The following EXO1 variants were observed in gnomAD, a reference collection of about 807,000 sequenced individuals.
EXO1 encodes exonuclease 1.
Under a neutral mutation model 84.5 loss-of-function variants are expected in EXO1, and 69 were observed. The observed-to-expected ratio is 0.82, with a 90% CI of 0.67 to 1.00. The LOEUF (loss-of-function observed/expected upper bound fraction) is 1.00. EXO1 is among the 50% of genes least tolerant of loss of function. EXO1 has a pLI of 0.00. For missense variants in EXO1, 1,045 were observed against 1,000.7 expected (o/e 1.04, Z -0.60); for synonymous variants, 373 against 366.1 (o/e 1.02, Z -0.21).
In EXO1 at chr1:241,871,920, T is replaced by TG. The variant is rs1553272844; in HGVS notation, c.1268-112_1268-111insG. On this transcript the variant is annotated intron_variant, in intron 11 of 15. Coordinates refer to ENST00000366548, the MANE Select transcript of EXO1 (RefSeq NM_130398.4). Reference sequence around the variant, plus strand: ...TCTTTTCTGAGGCATAGTTTTTTTTTTTTTTTTTTAAAGTCCTTATTTTTA... The same window carrying TG: ...TCTTTTCTGAGGCATAGTTTTTTTTTGTTTTTTTTTAAAGTCCTTATTTTTA... The TG allele has an allele frequency of 1.4e-5, 10 of 733,260 alleles. No homozygotes were observed. In the Admixed American group the frequency reaches 3.1e-4, roughly 23 times the overall value. 45.4% of individuals were successfully genotyped at this position (733,260 alleles called of 1,614,324 possible).
intron 12 of EXO1, among the ~76,000 whole-genome samples, chr1:241,874,404 TAGAAA>T (rs1662278668): frequency 6.6e-6 from 1 of 151,852 alleles, no homozygotes; most frequent in African/African-American, 2.4e-5. Context: ...CCAGGAAAAA[TAGAAA>T]AGAAAAGAAA....
In EXO1 at chr1:241,879,338, T is replaced by G; in HGVS notation, c.2104T>G (p.Ser702Ala). 1.9e-6 allele frequency: 3 copies of G among 1,577,478 alleles called. No individual in the cohort carries two copies. Among genetic ancestry groups the G allele is most frequent in the Non-Finnish European group, 2.6e-6 (3 of 1,149,194 alleles). Residue 702 changes from serine (S) to alanine (A), a missense_variant, in exon 13 of 16, where the codon TCA becomes GCA. By Grantham distance (99) the Ser-to-Ala change is moderately conservative. Coordinates refer to ENST00000366548, the MANE Select transcript of EXO1 (RefSeq NM_130398.4). ...LSQCSSKDSD[S>A]EESDCNIKLL... The stretch of plus-strand genomic sequence containing the variant: ...TCAGTGCTCTAGTAAGGACTCTGAT[T>G]CAGAGGTAAGTCAAATCCTGAAGGC...
intron 10 of EXO1, among the ~76,000 whole-genome samples, chr1:241,866,563 T>A (rs1219643147): frequency 1.9e-5 from 1 of 52,128 alleles, no homozygotes; most frequent in Non-Finnish European, 5.4e-5. Flanking sequence ...CAACTCTTGA[T>A]TTTTTTTTTT....
chr1:241,848,261 G>T lies in EXO1; in HGVS notation c.-512G>T, dbSNP rs1660461827. On this transcript the variant is annotated 5_prime_UTR_variant, in exon 1 of 16. Coordinates refer to ENST00000366548, the MANE Select transcript of EXO1 (RefSeq NM_130398.4). The surrounding 1 kb of genome is among the most constrained non-coding windows in gnomAD (Gnocchi z 4.2). ...GTGTTCTGCGTTGCCGGCCGTGGGT[G>T]CTCTGGCCACAGTGAGTTAGGGGCG... The T allele has an allele frequency of 6.6e-6, 1 of 152,468 alleles. No individual in the cohort carries two copies. The highest frequency in any genetic ancestry group is 2.1e-4 in the South Asian group (1 of 4,838). The allele number at this position is 152,468 out of a possible 1,614,324, so 9.4% of individuals were successfully genotyped here.
chr1:241,880,015 A>C (rs1662661110), intron 13 of EXO1, among the ~76,000 whole-genome samples: 1 of 152,026 alleles, frequency 6.6e-6, no homozygotes, highest in South Asian at 2.1e-4. Flanking sequence ...AAAAAAAAAA[A>C]AAGAAAAAAA....
rs771721157 is a variant in EXO1 at position 241,857,392 on chromosome 1, T to C, written c.453T>C (p.Ala151=). 1.4e-5 allele frequency: 23 copies of C among 1,613,884 alleles called. No individual in the cohort carries two copies. Among genetic ancestry groups the C allele is most frequent in the Non-Finnish European group, 1.8e-5 (21 of 1,179,922 alleles). ...GVDCLVAPYE[A]DAQLAYLNKA... is the part of the protein sequence containing the mutation. Reference sequence around the variant, plus strand: ...ATTGCCTCGTGGCTCCCTATGAAGCTGATGCGCAGTTGGCCTATCTTAACA... The same window carrying C: ...ATTGCCTCGTGGCTCCCTATGAAGCCGATGCGCAGTTGGCCTATCTTAACA... The change falls in exon 7 of 16, where the codon GCT becomes GCC. Residue 151 remains alanine (A), a synonymous_variant. Coordinates refer to ENST00000366548, the MANE Select transcript of EXO1 (RefSeq NM_130398.4).
chr1:241,883,131 A>G (rs1662866624), intron 14 of EXO1, among the ~76,000 whole-genome samples: 1 of 152,204 alleles, frequency 6.6e-6, no homozygotes. Flanking sequence ...TTTTTCTACC[A>G]TGAGCATATA....
intron 7 of EXO1, 82 bp downstream of exon 7, chr1:241,857,564 G>A (rs1240616201): frequency 1.4e-6 from 1 of 692,332 alleles, no homozygotes; most frequent in Non-Finnish European, 2.2e-6. Context: ...TCCTGTCCAG[G>A]AAATTATGAT....
chr1:241,860,223 G>T (rs1661300954), intron 8 of EXO1, among the ~76,000 whole-genome samples: 1 of 152,050 alleles, frequency 6.6e-6, no homozygotes, highest in African/African-American at 2.4e-5. Context: ...GGACTTTGAA[G>T]ATGAATGGAT....
At chr1:241,855,326 G>GC (rs1220403278) in intron 6 of EXO1, among the ~76,000 whole-genome samples, 2 of 152,232 alleles carry the variant, frequency 1.3e-5, no homozygotes, top group African/African-American at 4.8e-5. Context: ...GTTCTCCAAG[G>GC]CCCCACCAGA....
intron 5 of EXO1, 56 bp from the exon 6 acceptor site, chr1:241,853,302 T>C: frequency 6.3e-7 from 1 of 1,591,262 alleles, no homozygotes; most frequent in Non-Finnish European, 8.6e-7. Context: ...TCTGTTACAG[T>C]TTCTTGAGTC....
chr1:241,858,019 G>T (rs1661162419), intron 7 of EXO1, among the ~76,000 whole-genome samples: 1 of 152,058 alleles, frequency 6.6e-6, no homozygotes, highest in African/African-American at 2.4e-5. Context: ...TGACTAGAAG[G>T]GTCTCTATCA....
At chr1:241,857,970 A>G (rs1661160545) in intron 7 of EXO1, among the ~76,000 whole-genome samples, 1 of 152,196 alleles carries the variant, frequency 6.6e-6, no homozygotes, top group African/African-American at 2.4e-5. Context: ...AAGATACAAA[A>G]CTACAGGATG....
chr1:241,853,226 C>A, intron 5 of EXO1, 132 bp from the exon 6 acceptor site: 1 of 858,296 alleles, frequency 1.2e-6, no homozygotes, highest in South Asian at 1.4e-5. Flanking sequence ...TCTCAAGGGC[C>A]TGGTGTGTAC....
intron 12 of EXO1, among the ~76,000 whole-genome samples, chr1:241,878,086 A>G (rs1393841176): frequency 6.6e-6 from 1 of 152,224 alleles, no homozygotes; most frequent in African/African-American, 2.4e-5. Flanking sequence ...CTGCCCTCAC[A>G]GAGTTTATCT....
chr1:241,857,411 C>G lies in EXO1; in HGVS notation c.472C>G (p.Leu158Val), dbSNP rs140218725. ...PYEADAQLAY[L>V]NKAGIVQAII... ...TGAAGCTGATGCGCAGTTGGCCTATCTTAACAAAGCGGGAATTGTGCAAGC... is the reference window on the plus strand; with the variant it reads ...TGAAGCTGATGCGCAGTTGGCCTATGTTAACAAAGCGGGAATTGTGCAAGC... Residue 158 changes from leucine (L) to valine (V), a missense_variant, in exon 7 of 16, where the codon CTT (leucine) becomes GTT (valine). By Grantham distance (32) the Leu-to-Val change is conservative (BLOSUM62 1). Coordinates refer to ENST00000366548, the MANE Select transcript of EXO1 (RefSeq NM_130398.4). 105 of 1,613,738 alleles carry G rather than the reference C, an allele frequency of 6.5e-5. 1 individual carries two copies. The highest frequency in any genetic ancestry group is 5.4e-4 in the South Asian group (49 of 91,078).
At chr1:241,876,352 A>C (rs1347403293) in intron 12 of EXO1, among the ~76,000 whole-genome samples, 3 of 152,086 alleles carry the variant, frequency 2.0e-5, no homozygotes, top group African/African-American at 7.2e-5. Context: ...GAGGCCGAGG[A>C]GGGTGGATCA....
chr1:241,849,101 A>C lies in EXO1; in HGVS notation c.-122-11A>C, dbSNP rs961609449. ...AGATTAACTGCTTTGTTTAAAATTC[A>C]TTCACAGCAGAACTAGTGAATCCCA... On this transcript the variant is annotated splice_polypyrimidine_tract_variant and intron_variant, in intron 2 of 15. Transcript: ENST00000366548. 1.3e-5 allele frequency: 2 copies of C among 152,202 alleles called. No individual in the cohort carries two copies. The highest frequency in any genetic ancestry group is 2.9e-5 in the Non-Finnish European group (2 of 68,040). The allele number at this position is 152,202 out of a possible 1,614,324, so 9.4% of individuals were successfully genotyped here. A position where few individuals can be genotyped will look rare whatever the true frequency, so the allele number is the denominator to read the frequency against.
intron 14 of EXO1, among the ~76,000 whole-genome samples, chr1:241,882,273 A>C (rs988409670): frequency 1.3e-5 from 2 of 152,190 alleles, no homozygotes; most frequent in Non-Finnish European, 2.9e-5. Context: ...GCAGTTGTAT[A>C]GGTTTGGTCA....
Sources: allele counts gnomAD v4.1 joint callset (sites outside exome capture counted in the v4.1 genomes callset), GRCh38; gene constraint gnomAD v4.1.1; non-coding constraint Gnocchi (gnomAD v3.1); transcripts MANE v1.5; gene names NCBI Gene and HGNC (gene_info 2026-07-23, HGNC 2026-07-21).